GSG1L: variants seen among roughly 807,000 people sequenced by gnomAD.
GSG1L encodes germ cell-specific gene 1-like protein.
GSG1L carries 24 observed loss-of-function variants against 42.1 expected under a neutral mutation model. That is an observed-to-expected ratio of 0.57 (90% CI 0.41 to 0.80). GSG1L has a LOEUF of 0.80. GSG1L is among the 30% of genes least tolerant of loss of function. The probability of loss-of-function intolerance (pLI) is 0.00; values close to 1 mark genes in which losing one functional copy is unlikely to be tolerated. For synonymous variants in GSG1L, 215 were observed against 203.5 expected, an observed-to-expected ratio of 1.06 and a Z score of -0.48; for missense variants, 445 against 472.2, an observed-to-expected ratio of 0.94 and a Z score of 0.53.
chr16:27,869,725 G>C (rs1446710556), intron 3 of GSG1L, among the ~76,000 whole-genome samples: 72 of 78,776 alleles, frequency 9.1e-4, no homozygotes, highest in Non-Finnish European at 9.9e-4. Context: ...TTCTCTCTCT[G>C]TCTCTGTCTC....
intron 1 of GSG1L, among the ~76,000 whole-genome samples, chr16:28,008,394 GT>G (rs1284852478): frequency 6.6e-6 from 1 of 151,982 alleles, no homozygotes; most frequent in Non-Finnish European, 1.5e-5. Context: ...TCTATGTTTA[GT>G]TTGCTGGCTC....
At chr16:27,870,272 T>G (rs2083800294) in intron 3 of GSG1L, among the ~76,000 whole-genome samples, 1 of 148,128 alleles carries the variant, frequency 6.8e-6, no homozygotes, top group Non-Finnish European at 1.5e-5. Context: ...TCCATCTCTC[T>G]CTCCATCTTT....
chr16:28,034,379 G>A (rs753421395), intron 1 of GSG1L, among the ~76,000 whole-genome samples: 1 of 152,068 alleles, frequency 6.6e-6, no homozygotes, highest in Non-Finnish European at 1.5e-5. Flanking sequence ...CTATTTGGCT[G>A]CAAGCGACAA....
At chr16:27,920,608 C>A (rs2084512904) in intron 2 of GSG1L, among the ~76,000 whole-genome samples, 1 of 152,198 alleles carries the variant, frequency 6.6e-6, no homozygotes, top group Non-Finnish European at 1.5e-5. Context: ...GCCTGAGGAG[C>A]GTGGGCCGGT....
At chr16:27,810,885 G>A (rs1466965874) in intron 5 of GSG1L, among the ~76,000 whole-genome samples, 5 of 151,990 alleles carry the variant, frequency 3.3e-5, no homozygotes, top group South Asian at 2.1e-4. Flanking sequence ...TGGGGGTCTC[G>A]CCATGTTGCC....
chr16:28,005,813 T>C (rs548126631), intron 1 of GSG1L, among the ~76,000 whole-genome samples: 20 of 152,208 alleles, frequency 1.3e-4, no homozygotes, highest in Non-Finnish European at 2.9e-4. Flanking sequence ...GTCATTGTTT[T>C]GTTATTATTG....
intron 1 of GSG1L, among the ~76,000 whole-genome samples, chr16:27,982,583 G>A (rs7204104): frequency 0.22 from 33,000 of 152,018 alleles, 3,788 homozygotes; most frequent in Non-Finnish European, 0.26. Context: ...TCTATTTTGC[G>A]TTGCTATAAA....
At chr16:27,965,238 C>T (rs188612535) in intron 1 of GSG1L, among the ~76,000 whole-genome samples, 266 of 152,106 alleles carry the variant, frequency 1.7e-3, no homozygotes, top group Non-Finnish European at 3.0e-3. Flanking sequence ...AGGCTGGTCT[C>T]GAACTCCTGA....
chr16:27,918,056 A>T (rs2084478819), intron 2 of GSG1L, among the ~76,000 whole-genome samples: 1 of 152,142 alleles, frequency 6.6e-6, no homozygotes, highest in African/African-American at 2.4e-5. Flanking sequence ...GCCCCAACAC[A>T]CCTAGACCCA....
rs140425590 is a variant in GSG1L at position 28,030,577 on chromosome 16, G to A, written c.349+32499C>T. 4.5e-4 allele frequency among the ~76,000 whole-genome samples: 68 copies of A among 152,288 alleles called. No individual in the cohort carries two copies. In the East Asian group the frequency reaches 6.7e-3, roughly 15 times the overall value. ...TGGATCCAGCTGAGACTGAAGCCCC[G>A]CTACCTTTTTCTTCACATAAGCCAG... is the stretch of plus-strand genomic sequence containing the variant. On this transcript the variant is annotated intron_variant, in intron 1 of 6. Coordinates refer to ENST00000447459, the MANE Select transcript of GSG1L (RefSeq NM_001109763.2).
At position 27,791,016 on chromosome 16, in the gene GSG1L, C is replaced by T. The variant is rs2292646; in HGVS notation, c.*354G>A. ...CTCTGCCCCCCAAAGGGCTCTGCCC[C>T]TCTGGGCACCTGACTGGCTTGTGGG... On this transcript the variant is annotated 3_prime_UTR_variant, in exon 7 of 7. Coordinates refer to ENST00000447459, the MANE Select transcript of GSG1L (RefSeq NM_001109763.2). 0.16 allele frequency: 33,678 copies of T among 204,888 alleles called. 2,866 individuals carry two copies. Among genetic ancestry groups the T allele is most frequent in the African/African-American group, 0.21 (9,180 of 43,644 alleles). The allele number at this position is 204,888 out of a possible 1,614,324, so 12.7% of individuals were successfully genotyped here. A position where few individuals can be genotyped will look rare whatever the true frequency, so the allele number is the denominator to read the frequency against.
chr16:28,057,150 AG>A (rs1381304999), intron 1 of GSG1L, among the ~76,000 whole-genome samples: 2 of 152,074 alleles, frequency 1.3e-5, no homozygotes, highest in Non-Finnish European at 2.9e-5. Flanking sequence ...AGTCCTTGGA[AG>A]GCATTCGACT....
At chr16:27,795,178 CT>C (rs3047667) in intron 6 of GSG1L, among the ~76,000 whole-genome samples, 2,257 of 149,958 alleles carry the variant, frequency 0.015, 22 homozygotes, top group Non-Finnish European at 0.021. Flanking sequence ...CAAACTGACT[CT>C]TTTTTTTTTC....
chr16:27,869,867 C>T (rs1174841897), intron 3 of GSG1L, among the ~76,000 whole-genome samples: 7 of 147,340 alleles, frequency 4.8e-5, no homozygotes, highest in Non-Finnish European at 1.0e-4. Context: ...CTGTCTCTGT[C>T]TCCCTCCATC....
chr16:27,946,549 AAAAG>A (rs201856072), intron 2 of GSG1L, among the ~76,000 whole-genome samples: 602 of 51,884 alleles, frequency 0.012, 33 homozygotes, highest in African/African-American at 0.019. Context: ...TGTCTCAAAA[AAAAG>A]AAAGAAAGAA....
chr16:28,028,036 A>C (rs2085919367), intron 1 of GSG1L, among the ~76,000 whole-genome samples: 1 of 152,144 alleles, frequency 6.6e-6, no homozygotes, highest in Admixed American at 6.5e-5. Flanking sequence ...TTATTTAACC[A>C]AACTATGTGC....
chr16:27,869,736 C>T (rs1286158735), intron 3 of GSG1L, among the ~76,000 whole-genome samples: 3 of 125,202 alleles, frequency 2.4e-5, no homozygotes, highest in Admixed American at 8.1e-5. Flanking sequence ...TCTCTGTCTC[C>T]CTCCATCTCT....
chr16:27,997,206 T>G (rs562684115), intron 1 of GSG1L, among the ~76,000 whole-genome samples: 47 of 152,000 alleles, frequency 3.1e-4, no homozygotes, highest in African/African-American at 1.1e-3. Flanking sequence ...GATGCCCACA[T>G]GCCTTGACTC....
At chr16:27,900,519 T>C (rs1028701467) in intron 2 of GSG1L, among the ~76,000 whole-genome samples, 1 of 152,120 alleles carries the variant, frequency 6.6e-6, no homozygotes, top group Non-Finnish European at 1.5e-5. Context: ...GCCTGGCTGG[T>C]TCCTTCCAAG....
Sources: gnomAD v4.1 joint callset for allele counts (sites outside exome capture counted in the v4.1 genomes callset) on GRCh38, gnomAD v4.1.1 for gene constraint, MANE v1.5 for transcripts, NCBI Gene and HGNC (gene_info 2026-07-23, HGNC 2026-07-21) for gene names.